Variants in HAUS8 observed in about 807,000 individuals in gnomAD.
The protein encoded by HAUS8 is HAUS augmin-like complex subunit 8.
HAUS8 carries 38 observed loss-of-function variants against 42.9 expected under a neutral mutation model. That is an observed-to-expected ratio of 0.89 (90% CI 0.68 to 1.16). The LOEUF is 1.16. HAUS8 is among the 50% of genes most tolerant of loss of function. The pLI is 0.00. For missense variants in HAUS8, 494 were observed against 511.6 expected (o/e 0.97, Z 0.33); for synonymous variants, 199 against 205.8 (o/e 0.97, Z 0.28).
At chr19:17,068,613 T>A (rs529377357) in intron 3 of HAUS8, among the ~76,000 whole-genome samples, 16 of 151,922 alleles carry the variant, frequency 1.1e-4, no homozygotes, top group Admixed American at 2.0e-4. Flanking sequence ...CAAAAACGTT[T>A]AAAAATTAGC....
intron 3 of HAUS8, 100 bp from the exon 4 acceptor site, chr19:17,062,879 T>C (rs1001144794): frequency 4.7e-6 from 4 of 854,778 alleles, no homozygotes; most frequent in African/African-American, 1.7e-5. Flanking sequence ...TGCTCTTACT[T>C]TGAGGCAGGG....
chr19:17,058,003 C>G (rs999741125), intron 8 of HAUS8, among the ~76,000 whole-genome samples: 6 of 152,254 alleles, frequency 3.9e-5, no homozygotes, highest in African/African-American at 1.2e-4. Flanking sequence ...CCACCAACAC[C>G]TCAATCTCGG....
At chr19:17,068,765 A>G (rs1006201202) in intron 3 of HAUS8, among the ~76,000 whole-genome samples, 3 of 152,122 alleles carry the variant, frequency 2.0e-5, no homozygotes, top group African/African-American at 7.2e-5. Flanking sequence ...CCTTGCCTCA[A>G]AAACAAAAAA....
chr19:17,057,364 A>T (rs200566143), intron 8 of HAUS8, among the ~76,000 whole-genome samples: 10,746 of 132,186 alleles, frequency 0.081, 710 homozygotes, highest in African/African-American at 0.19. Context: ...AAAAAAAAAA[A>T]TTTTTTTGTA....
chr19:17,065,475 C>G (rs921595430), intron 3 of HAUS8, among the ~76,000 whole-genome samples: 1 of 152,098 alleles, frequency 6.6e-6, no homozygotes, highest in Non-Finnish European at 1.5e-5. Flanking sequence ...CCTTTTTGAC[C>G]AATCACATTT....
intron 2 of HAUS8, among the ~76,000 whole-genome samples, chr19:17,073,057 T>C (rs2057438158): frequency 6.6e-6 from 1 of 151,290 alleles, no homozygotes; most frequent in African/African-American, 2.4e-5. Flanking sequence ...ATGACCCCCA[T>C]GGCTGCCAAG....
intron 1 of HAUS8, 100 bp from the exon 2 acceptor site, chr19:17,073,435 C>G: frequency 1.9e-6 from 2 of 1,052,712 alleles, no homozygotes; most frequent in East Asian, 2.4e-5. Context: ...ACAGCCCAGT[C>G]CAAGGGCTGC....
At chr19:17,056,909 T>C (rs1354054643) in intron 8 of HAUS8, among the ~76,000 whole-genome samples, 1 of 152,078 alleles carries the variant, frequency 6.6e-6, no homozygotes, top group Non-Finnish European at 1.5e-5. Context: ...TAGACAGATC[T>C]TACTGTGTTG....
At chr19:17,058,299 G>T (rs1382958907) in intron 8 of HAUS8, among the ~76,000 whole-genome samples, 1 of 152,220 alleles carries the variant, frequency 6.6e-6, no homozygotes, top group Non-Finnish European at 1.5e-5. Context: ...CAGGCGCTCA[G>T]GAAGTCTCTG....
At chr19:17,059,852 A>G (rs1273140290) in intron 5 of HAUS8, 145 bp downstream of exon 5, 1 of 690,784 alleles carries the variant, frequency 1.4e-6, no homozygotes, top group Non-Finnish European at 2.5e-6. Context: ...CCAAGGTATT[A>G]AGTATATTTT....
At chr19:17,068,099 CTTTTTTT>C (rs889723027) in intron 3 of HAUS8, among the ~76,000 whole-genome samples, 95 of 93,480 alleles carry the variant, frequency 1.0e-3, no homozygotes, top group Middle Eastern at 0.014. Flanking sequence ...TTATTTTATT[CTTTTTTT>C]TTTTTTTTTT....
chr19:17,057,411 A>C (rs888936801), intron 8 of HAUS8, among the ~76,000 whole-genome samples: 2 of 152,170 alleles, frequency 1.3e-5, no homozygotes, highest in African/African-American at 4.8e-5. Context: ...TGCTGGGACA[A>C]GTATGTATGC....
intron 3 of HAUS8, among the ~76,000 whole-genome samples, 191 bp downstream of exon 3, chr19:17,068,840 C>T (rs2057403683): frequency 6.6e-6 from 1 of 152,092 alleles, no homozygotes; most frequent in South Asian, 2.1e-4. Context: ...TGCTTATAGC[C>T]ATGAGCCGTC....
In HAUS8 at chr19:17,073,331, G is replaced by A; in HGVS notation, c.34C>T (p.Pro12Ser). ...ADSSGRGAGKPATGPTNSSSA... is the reference protein window; with the variant it reads ...ADSSGRGAGKSATGPTNSSSA... The stretch of plus-strand genomic sequence containing the variant: ...CTAGAATTTGTGGGGCCGGTTGCAG[G>A]CTTCCTGCAAGAGAAGAGAGAGAGG... Residue 12 changes from proline (P) to serine (S), a missense_variant, in exon 2 of 11, where the codon CCT becomes TCT. By Grantham distance (74) the Pro-to-Ser change is moderately conservative. Coordinates refer to ENST00000253669, the MANE Select transcript of HAUS8 (RefSeq NM_033417.2). 6.2e-7 allele frequency: 1 copy of A among 1,613,934 alleles called. No individual in the cohort carries two copies. The highest frequency in any genetic ancestry group is 1.7e-5 in the Admixed American group (1 of 60,030).
chr19:17,061,750 C>CT (rs955904503), intron 4 of HAUS8, among the ~76,000 whole-genome samples: 2 of 152,212 alleles, frequency 1.3e-5, no homozygotes, highest in African/African-American at 4.8e-5. Context: ...CCAAACACAT[C>CT]TCCAGACACT....
chr19:17,075,023 A>G, intron 1 of HAUS8: 1 of 307,348 alleles, frequency 3.3e-6, no homozygotes, highest in Non-Finnish European at 6.2e-6. Context: ...CGATAATTCC[A>G]AGAGCGACAT....
At chr19:17,062,399 G>T (rs1174801207) in intron 4 of HAUS8, among the ~76,000 whole-genome samples, 2 of 152,138 alleles carry the variant, frequency 1.3e-5, no homozygotes, top group Non-Finnish European at 2.9e-5. Context: ...TAAGAGTCTT[G>T]CTCTCAGAGC....
chr19:17,050,761 T>C (rs2057282557), intron 10 of HAUS8, among the ~76,000 whole-genome samples: 1 of 151,890 alleles, frequency 6.6e-6, no homozygotes, highest in East Asian at 1.9e-4. Context: ...CCGGGCGTGG[T>C]GGAACGCACC....
At chr19:17,053,450 G>A (rs1402426415) in intron 9 of HAUS8, 1 of 158,994 alleles carries the variant, frequency 6.3e-6, no homozygotes, top group African/African-American at 2.4e-5. Flanking sequence ...CACATTTTGG[G>A]AGCCTTTTAA....
Sources: allele counts gnomAD v4.1 joint callset (sites outside exome capture counted in the v4.1 genomes callset), GRCh38; gene constraint gnomAD v4.1.1; transcripts MANE v1.5; gene names NCBI Gene and HGNC (gene_info 2026-07-23, HGNC 2026-07-21).